Variants in SDCCAG8 observed in about 807,000 individuals in gnomAD.
SDCCAG8 encodes the protein SHH signaling and ciliogenesis regulator SDCCAG8, also known as serologically defined colon cancer antigen 8.
A neutral mutation model predicts 101.8 loss-of-function variants in SDCCAG8; 74 were observed. The ratio of observed to expected loss-of-function variants is 0.73; its 90% CI spans 0.60 to 0.88. The LOEUF is 0.88. SDCCAG8 is among the 40% of genes least tolerant of loss of function. The pLI is 0.00. For synonymous variants in SDCCAG8, 281 were observed against 292.9 expected, an observed-to-expected ratio of 0.96 and a Z score of 0.41; for missense variants, 787 against 822.6, an observed-to-expected ratio of 0.96 and a Z score of 0.53.
rs187108335 is a variant in SDCCAG8 at position 243,375,982 on chromosome 1, C to T, written c.1474-2739C>T. Among the ~76,000 whole-genome samples the T allele has an allele frequency of 2.6e-5, 4 of 152,254 alleles. No individual in the cohort carries two copies. The East Asian group carries it at 7.7e-4, about 29-fold the overall frequency. On this transcript the variant is annotated intron_variant, in intron 12 of 17. Coordinates refer to ENST00000366541, the MANE Select transcript of SDCCAG8 (RefSeq NM_006642.5). Reference sequence around the variant, plus strand: ...TTTCACTGGCATGGATAATCAGAAGCAGGCAGTAATTTTCCATCTTCCTAA... The same window carrying T: ...TTTCACTGGCATGGATAATCAGAAGTAGGCAGTAATTTTCCATCTTCCTAA...
At chr1:243,354,399 T>G (rs977400692) in intron 12 of SDCCAG8, among the ~76,000 whole-genome samples, 1 of 152,226 alleles carries the variant, frequency 6.6e-6, no homozygotes, top group Non-Finnish European at 1.5e-5. Flanking sequence ...TTTTAGACAT[T>G]TTCGTTATGA....
intron 4 of SDCCAG8, among the ~76,000 whole-genome samples, chr1:243,275,067 C>T (rs922544323): frequency 3.9e-5 from 6 of 152,238 alleles, no homozygotes; most frequent in Middle Eastern, 3.4e-3. Flanking sequence ...AATTCTTCTC[C>T]GCTGTCAGTA....
intron 1 of SDCCAG8, among the ~76,000 whole-genome samples, chr1:243,264,420 G>C (rs749661771): frequency 2.0e-5 from 3 of 152,110 alleles, no homozygotes; most frequent in Non-Finnish European, 2.9e-5. Context: ...TTTGAGACCA[G>C]CCTGACCAAC....
intron 16 of SDCCAG8, among the ~76,000 whole-genome samples, chr1:243,431,465 G>A (rs1271798398): frequency 1.3e-5 from 2 of 152,126 alleles, no homozygotes; most frequent in Admixed American, 6.5e-5. Flanking sequence ...AGCTGGTTTG[G>A]GGTTGAGATG....
At chr1:243,337,919 A>G (rs890012137) in intron 10 of SDCCAG8, among the ~76,000 whole-genome samples, 10 of 152,172 alleles carry the variant, frequency 6.6e-5, no homozygotes, top group African/African-American at 2.2e-4. Flanking sequence ...TTCCTTCTCT[A>G]GGGGATTTAA....
At chr1:243,417,633 G>A (rs2080685033) in intron 14 of SDCCAG8, among the ~76,000 whole-genome samples, 1 of 152,142 alleles carries the variant, frequency 6.6e-6, no homozygotes, top group African/African-American at 2.4e-5. Context: ...TAGTAAAATT[G>A]TCAAAATAAA....
chr1:243,325,809 T>C (rs1245223266), intron 9 of SDCCAG8, among the ~76,000 whole-genome samples: 2 of 152,236 alleles, frequency 1.3e-5, no homozygotes, highest in South Asian at 4.1e-4. Context: ...CTTAGCAAAG[T>C]ATCTGGCACC....
chr1:243,292,494 A>G (rs532283921), intron 5 of SDCCAG8, among the ~76,000 whole-genome samples: 1 of 152,260 alleles, frequency 6.6e-6, no homozygotes, highest in African/African-American at 2.4e-5. Flanking sequence ...AGGGACAGAG[A>G]CCACATATAT....
chr1:243,473,511 T>C (rs565846184), intron 16 of SDCCAG8, among the ~76,000 whole-genome samples: 1 of 152,196 alleles, frequency 6.6e-6, no homozygotes, highest in Non-Finnish European at 1.5e-5. Context: ...TCGCTTCTTA[T>C]GAGGTTCATG....
chr1:243,482,463 G>C (rs149120512), intron 16 of SDCCAG8, among the ~76,000 whole-genome samples: 15 of 152,300 alleles, frequency 9.8e-5, no homozygotes, highest in African/African-American at 3.6e-4. Context: ...ATGCCCTTGC[G>C]TGGAAGGGGA....
chr1:243,257,701 G>A (rs2066881538), intron 1 of SDCCAG8, among the ~76,000 whole-genome samples: 1 of 152,140 alleles, frequency 6.6e-6, no homozygotes, highest in Non-Finnish European at 1.5e-5. Context: ...GACATTCTCA[G>A]TATTCAAACT....
chr1:243,341,148 C>T lies in SDCCAG8; in HGVS notation c.1331C>T (p.Ala444Val). 2 of 1,614,014 alleles carry T rather than the reference C, an allele frequency of 1.2e-6. No homozygotes were observed. Among genetic ancestry groups the T allele is most frequent in the Non-Finnish European group, 1.7e-6 (2 of 1,179,956 alleles). Reference protein sequence around the residue: ...NQLEEIQSQLASREMDVTKVC... With the variant: ...NQLEEIQSQLVSREMDVTKVC... ...CTGGAGGAAATTCAAAGCCAGCTGG[C>T]TTCTCGGGAAATGGATGTCACAAAG... The change falls in exon 11 of 18, where the codon GCT (alanine) becomes GTT (valine). Residue 444 changes from alanine (A) to valine (V), a missense_variant. By Grantham distance (64) the Ala-to-Val change is moderately conservative. Transcript: ENST00000366541.
chr1:243,349,013 A>C (rs927068216), intron 12 of SDCCAG8, among the ~76,000 whole-genome samples: 4 of 151,660 alleles, frequency 2.6e-5, no homozygotes, highest in African/African-American at 7.3e-5. Context: ...AACAAAACAA[A>C]AAAAAAAAAA....
At chr1:243,478,971 A>AAAAAAAAAAAAAAAAAAC (rs1662968470) in intron 16 of SDCCAG8, among the ~76,000 whole-genome samples, 1 of 151,778 alleles carries the variant, frequency 6.6e-6, no homozygotes, top group Non-Finnish European at 1.5e-5. Context: ...AAAAAAAAAA[A>AAAAAAAAAAAAAAAAAAC]AAAAAAGAAA....
At chr1:243,267,815 A>AT in intron 1 of SDCCAG8, 1 of 844,598 alleles carries the variant, frequency 1.2e-6, no homozygotes, top group Non-Finnish European at 2.1e-6. Flanking sequence ...ACAATCAGTT[A>AT]TACAAGGGAT....
In SDCCAG8 at chr1:243,308,009, A is replaced by G. The variant is rs958074911; in HGVS notation, c.761A>G (p.Gln254Arg). The G allele has an allele frequency of 2.5e-6, 4 of 1,613,962 alleles. No individual in the cohort carries two copies. In the African/African-American group the frequency reaches 5.3e-5, roughly 22 times the overall value. The change falls in exon 8 of 18, where the codon CAG becomes CGG. Residue 254 changes from glutamine (Q) to arginine (R), a missense_variant. Gln to Arg is a conservative substitution (Grantham distance 43). Transcript: ENST00000366541. ...TTTAGGAACGACTTAGCTGAATATC[A>G]GAGAACTTGTGAAGATCTTAAAGAG... ...KFLRNDLAEY[Q>R]RTCEDLKEQL...
At chr1:243,327,976 C>G (rs2074314716) in intron 9 of SDCCAG8, among the ~76,000 whole-genome samples, 1 of 152,168 alleles carries the variant, frequency 6.6e-6, no homozygotes, top group South Asian at 2.1e-4. Context: ...GATCTCAGCT[C>G]ACTGCAAGCT....
chr1:243,295,027 C>T (rs976980741), intron 6 of SDCCAG8, among the ~76,000 whole-genome samples: 4 of 152,072 alleles, frequency 2.6e-5, no homozygotes, highest in Non-Finnish European at 5.9e-5. Context: ...AGTCCCTAAT[C>T]CAAGCTTCAT....
chr1:243,377,432 A>G (rs1321744750), intron 12 of SDCCAG8, among the ~76,000 whole-genome samples: 6 of 152,064 alleles, frequency 3.9e-5, no homozygotes, highest in Admixed American at 3.9e-4. Context: ...TTAACTTAGT[A>G]TTCCAATTTG....
Sources: gnomAD v4.1 joint callset for allele counts (sites outside exome capture counted in the v4.1 genomes callset) on GRCh38, gnomAD v4.1.1 for gene constraint, MANE v1.5 for transcripts, NCBI Gene and HGNC (gene_info 2026-07-23, HGNC 2026-07-21) for gene names.